IGFL2: variants seen among roughly 807,000 people sequenced by gnomAD.
IGFL2 encodes IGF like family member 2, also known as insulin growth factor-like family member 2.
IGFL2 carries 7 observed loss-of-function variants against 13.9 expected under a neutral mutation model. The observed-to-expected ratio is 0.51, with a 90% confidence interval of 0.29 to 0.95. IGFL2 has a LOEUF of 0.95. Among genes scored for constraint, IGFL2 ranks in the 40% least tolerant of loss-of-function variants. The pLI is 0.08. For missense variants in IGFL2, 138 were observed against 147.8 expected, an observed-to-expected ratio of 0.93 and a Z score of 0.34; for synonymous variants, 55 against 55.8, an observed-to-expected ratio of 0.99 and a Z score of 0.07.
intron 1 of IGFL2, among the ~76,000 whole-genome samples, chr19:46,155,173 G>A (rs976077605): frequency 6.6e-6 from 1 of 152,220 alleles, no homozygotes; most frequent in Admixed American, 6.5e-5. Flanking sequence ...AGGAGGAGGG[G>A]CTGGATGGGA....
the IGFL2 span, chr19:46,111,157 C>T: frequency 1.3e-5 from 2 of 152,654 alleles, no homozygotes; most frequent in Non-Finnish European, 2.9e-5. Flanking sequence ...AAATCCAGTT[C>T]TTAGATCAGA....
chr19:46,140,840 A>G (rs560280273), upstream of IGFL2, among the ~76,000 whole-genome samples: 4 of 152,276 alleles, frequency 2.6e-5, no homozygotes, highest in East Asian at 7.7e-4. Flanking sequence ...GGCCCAGTCT[A>G]AGGGGAGCCT....
At chr19:46,194,047 A>G in the IGFL2 span, among the ~76,000 whole-genome samples, 1 of 152,070 alleles carries the variant, frequency 6.6e-6, no homozygotes, top group Non-Finnish European at 1.5e-5. Flanking sequence ...AGTCTTCCTC[A>G]TCTCCTAGCA....
At chr19:46,159,704 T>C (rs1484410138) in intron 1 of IGFL2, 1 of 152,232 alleles carries the variant, frequency 6.6e-6, no homozygotes, top group Non-Finnish European at 1.5e-5. Context: ...ATCATTTTTT[T>C]CCATTTCCTT....
At chr19:46,079,759 GC>G in the IGFL2 span, among the ~76,000 whole-genome samples, 1,485 of 152,222 alleles carry the variant, frequency 9.8e-3, 24 homozygotes, top group African/African-American at 0.034. Context: ...AGATGAAATT[GC>G]CCTCATCAAA....
At chr19:46,130,356 G>A in the IGFL2 span, among the ~76,000 whole-genome samples, 4 of 152,094 alleles carry the variant, frequency 2.6e-5, no homozygotes, top group Non-Finnish European at 5.9e-5. Flanking sequence ...TGAAGTACAC[G>A]TTTCCTATGA....
intron 1 of IGFL2, among the ~76,000 whole-genome samples, chr19:46,155,593 C>T (rs1600925377): frequency 6.6e-6 from 1 of 152,324 alleles, no homozygotes; most frequent in Non-Finnish European, 1.5e-5. Context: ...GGCACCCATG[C>T]TCTTCACACT....
the IGFL2 span, among the ~76,000 whole-genome samples, chr19:46,107,233 C>CT: frequency 2.6e-5 from 4 of 152,126 alleles, no homozygotes; most frequent in Non-Finnish European, 5.9e-5. Context: ...AGGGGATGGA[C>CT]TTACCCTCCA....
chr19:46,177,019 C>A, the IGFL2 span, among the ~76,000 whole-genome samples: 19 of 152,146 alleles, frequency 1.2e-4, no homozygotes, highest in Middle Eastern at 3.4e-3. Flanking sequence ...TTCCAGATAT[C>A]TTGAAGGTTT....
the IGFL2 span, among the ~76,000 whole-genome samples, chr19:46,110,241 GT>G: frequency 6.6e-6 from 1 of 152,222 alleles, no homozygotes; most frequent in Non-Finnish European, 1.5e-5. Flanking sequence ...TCAGAAGAAG[GT>G]GTATAAGCAA....
At position 46,155,654 on chromosome 19, in the gene IGFL2, A is replaced by G. The variant is rs57503185; in HGVS notation, c.20-4761A>G. On this transcript the variant is annotated intron_variant, in intron 1 of 3. Coordinates refer to ENST00000377693, the MANE Select transcript of IGFL2 (RefSeq NM_001135113.2). ...TTTGAAATATTTTGCATTTAAGTCT[A>G]TGATCCATTTCAAATTAATTTTCAC... Among the ~76,000 whole-genome samples, 747 of 152,322 alleles carry G rather than the reference A, an allele frequency of 4.9e-3. 5 individuals are homozygous for G. The highest frequency in any genetic ancestry group is 0.017 in the African/African-American group (704 of 41,568).
At chr19:46,192,245 C>T in the IGFL2 span, among the ~76,000 whole-genome samples, 1 of 152,166 alleles carries the variant, frequency 6.6e-6, no homozygotes, top group Non-Finnish European at 1.5e-5. Flanking sequence ...GTTATGAAGC[C>T]ACTCTGTGTT....
At chr19:46,099,615 G>A in the IGFL2 span, among the ~76,000 whole-genome samples, 47 of 150,254 alleles carry the variant, frequency 3.1e-4, no homozygotes, top group African/African-American at 1.1e-3. Flanking sequence ...TGCAACCTCT[G>A]CCCCCCGAGT....
upstream of IGFL2, among the ~76,000 whole-genome samples, chr19:46,140,754 C>T (rs540879534): frequency 1.3e-5 from 2 of 152,260 alleles, no homozygotes; most frequent in African/African-American, 2.4e-5. Flanking sequence ...AGTACCAGGA[C>T]AGGAAAACAT....
At chr19:46,085,586 CTCTG>C in the IGFL2 span, among the ~76,000 whole-genome samples, 1 of 152,036 alleles carries the variant, frequency 6.6e-6, no homozygotes, top group Non-Finnish European at 1.5e-5. Flanking sequence ...TAACATGCTC[CTCTG>C]TCTTTTAAGT....
the IGFL2 span, among the ~76,000 whole-genome samples, chr19:46,202,336 A>T: frequency 6.6e-6 from 1 of 152,286 alleles, no homozygotes; most frequent in South Asian, 2.1e-4. Context: ...TTAAGTTTGT[A>T]TTGGGGTCAA....
At chr19:46,086,205 C>T in the IGFL2 span, among the ~76,000 whole-genome samples, 1 of 152,108 alleles carries the variant, frequency 6.6e-6, no homozygotes, top group African/African-American at 2.4e-5. Context: ...ATAAATTTCT[C>T]ATTCATAGCC....
At chr19:46,194,036 C>T in the IGFL2 span, among the ~76,000 whole-genome samples, 1 of 152,096 alleles carries the variant, frequency 6.6e-6, no homozygotes, top group Non-Finnish European at 1.5e-5. Context: ...GGTCAGATTC[C>T]AGTCTTCCTC....
upstream of IGFL2, among the ~76,000 whole-genome samples, chr19:46,140,630 A>C (rs1972819640): frequency 6.6e-6 from 1 of 152,226 alleles, no homozygotes; most frequent in Non-Finnish European, 1.5e-5. Context: ...CAACTCTTAG[A>C]TAAGTGGGAT....
Sources: allele counts gnomAD v4.1 joint callset (sites outside exome capture counted in the v4.1 genomes callset), GRCh38; gene constraint gnomAD v4.1.1; transcripts MANE v1.5; gene names NCBI Gene and HGNC (gene_info 2026-07-23, HGNC 2026-07-21).